Variants in PLXDC2 observed in about 807,000 individuals in gnomAD.
PLXDC2 encodes plexin domain-containing protein 2.
In PLXDC2, 40 loss-of-function variants were observed where a neutral mutation model predicts 68.9. The ratio of observed to expected loss-of-function variants is 0.58; its 90% CI spans 0.45 to 0.76. The LOEUF is 0.76. Ranked by LOEUF, PLXDC2 falls within the 30% of genes least tolerant of loss-of-function variation. PLXDC2 has a pLI of 0.00. For synonymous variants in PLXDC2, 243 were observed against 234.2 expected (o/e 1.04, Z -0.34); for missense variants, 644 against 661.9 (o/e 0.97, Z 0.30).
At chr10:20,222,442 T>A (rs912311486) in intron 12 of PLXDC2, among the ~76,000 whole-genome samples, 1 of 152,196 alleles carries the variant, frequency 6.6e-6, no homozygotes, top group Admixed American at 6.5e-5. Context: ...GAATCTTCAA[T>A]TGTGCAGTGA....
intron 1 of PLXDC2, among the ~76,000 whole-genome samples, chr10:19,937,641 A>T (rs1161016444): frequency 6.7e-6 from 1 of 148,500 alleles, no homozygotes; most frequent in African/African-American, 2.5e-5. Context: ...TCCCAACATA[A>T]CTTTTCTGGC....
intron 3 of PLXDC2, among the ~76,000 whole-genome samples, chr10:20,062,435 A>G (rs1421115926): frequency 6.6e-6 from 1 of 152,108 alleles, no homozygotes; most frequent in Non-Finnish European, 1.5e-5. Flanking sequence ...TAAATAAATA[A>G]ATAATAAAAA....
chr10:20,105,059 A>AG, intron 4 of PLXDC2, among the ~76,000 whole-genome samples: 1 of 151,082 alleles, frequency 6.6e-6, no homozygotes, highest in East Asian at 1.9e-4. Flanking sequence ...AAAAAAAAAA[A>AG]AAAAAAAAAA....
chr10:20,198,661 A>G (rs1834874396), intron 9 of PLXDC2, among the ~76,000 whole-genome samples: 1 of 152,078 alleles, frequency 6.6e-6, no homozygotes. Flanking sequence ...CAACTTTCCA[A>G]CATCATAAAA....
intron 6 of PLXDC2, among the ~76,000 whole-genome samples, chr10:20,149,229 C>CTTTTTT (rs71200986): frequency 1.1e-3 from 37 of 34,924 alleles, no homozygotes; most frequent in African/African-American, 2.5e-3. Flanking sequence ...TTTTTCTTTT[C>CTTTTTT]TTTTTTTTTT....
intron 12 of PLXDC2, 75 bp downstream of exon 12, chr10:20,219,177 G>A: frequency 1.4e-6 from 2 of 1,433,196 alleles, no homozygotes; most frequent in East Asian, 2.4e-5. Flanking sequence ...TATGAGAAAG[G>A]CAATACGGGC....
intron 1 of PLXDC2, among the ~76,000 whole-genome samples, chr10:19,903,322 CTT>C (rs59736805): frequency 2.9e-5 from 4 of 139,186 alleles, no homozygotes; most frequent in Admixed American, 7.2e-5. Context: ...TTTTTGTTGG[CTT>C]TTTTTTTTTT....
At chr10:20,024,668 C>G (rs1481571819) in intron 2 of PLXDC2, among the ~76,000 whole-genome samples, 1 of 152,082 alleles carries the variant, frequency 6.6e-6, no homozygotes, top group African/African-American at 2.4e-5. Flanking sequence ...GTGTCTGATA[C>G]TCAGGTCCTG....
At chr10:20,129,034 C>T (rs1306551619) in intron 4 of PLXDC2, among the ~76,000 whole-genome samples, 1 of 152,130 alleles carries the variant, frequency 6.6e-6, no homozygotes, top group Non-Finnish European at 1.5e-5. Flanking sequence ...AGTAGTTCCA[C>T]TTTTAATTTT....
At chr10:19,903,783 A>G (rs886910295) in intron 1 of PLXDC2, among the ~76,000 whole-genome samples, 7 of 146,228 alleles carry the variant, frequency 4.8e-5, no homozygotes, top group Non-Finnish European at 9.0e-5. Flanking sequence ...AAGATTGTCT[A>G]TTTGTGCTCT....
chr10:19,981,237 T>C (rs1307209877), intron 1 of PLXDC2, among the ~76,000 whole-genome samples: 2 of 152,224 alleles, frequency 1.3e-5, no homozygotes, highest in African/African-American at 4.8e-5. Flanking sequence ...TTTGAAATTC[T>C]TTGAGTTTAT....
At chr10:19,838,425 C>T (rs1415450543) in intron 1 of PLXDC2, among the ~76,000 whole-genome samples, 1 of 152,006 alleles carries the variant, frequency 6.6e-6, no homozygotes, top group Non-Finnish European at 1.5e-5. Context: ...GTTTCCTAGC[C>T]CATGATAATA....
chr10:20,031,295 A>G (rs769523091), intron 2 of PLXDC2, among the ~76,000 whole-genome samples: 4 of 151,806 alleles, frequency 2.6e-5, no homozygotes, highest in South Asian at 4.2e-4. Flanking sequence ...TCCTGAGCCC[A>G]TGAGGGCCAG....
chr10:20,028,802 T>C (rs558405581), intron 2 of PLXDC2, among the ~76,000 whole-genome samples: 4 of 152,214 alleles, frequency 2.6e-5, no homozygotes, highest in African/African-American at 7.2e-5. Flanking sequence ...CAATGTCTGA[T>C]TATAATTTGT....
At chr10:20,077,479 A>G (rs1466113887) in intron 4 of PLXDC2, among the ~76,000 whole-genome samples, 1 of 152,184 alleles carries the variant, frequency 6.6e-6, no homozygotes, top group Non-Finnish European at 1.5e-5. Flanking sequence ...TTTGTTGGCT[A>G]ATTCTAATGG....
intron 1 of PLXDC2, among the ~76,000 whole-genome samples, chr10:19,843,074 A>G (rs1193537596): frequency 6.6e-6 from 1 of 151,956 alleles, no homozygotes; most frequent in Admixed American, 6.6e-5. Flanking sequence ...TTTTTTCTAT[A>G]AAATTTACCG....
At chr10:19,937,253 G>A (rs548188778) in intron 1 of PLXDC2, among the ~76,000 whole-genome samples, 12 of 152,056 alleles carry the variant, frequency 7.9e-5, no homozygotes, top group East Asian at 5.8e-4. Flanking sequence ...GTCATCTTTC[G>A]CATGTCATGG....
At chr10:19,921,362 T>G (rs565308633) in intron 1 of PLXDC2, among the ~76,000 whole-genome samples, 42 of 152,308 alleles carry the variant, frequency 2.8e-4, no homozygotes, top group African/African-American at 9.9e-4. Flanking sequence ...TATATGATTT[T>G]GTAGATGTTT....
At chr10:20,112,421 C>A (rs909349710) in intron 4 of PLXDC2, among the ~76,000 whole-genome samples, 2 of 151,924 alleles carry the variant, frequency 1.3e-5, no homozygotes, top group Non-Finnish European at 1.5e-5. Flanking sequence ...TCTCCTCTTC[C>A]TGAATGTACA....
Sources: gnomAD v4.1 joint callset for allele counts (sites outside exome capture counted in the v4.1 genomes callset) on GRCh38, gnomAD v4.1.1 for gene constraint, MANE v1.5 for transcripts, NCBI Gene and HGNC (gene_info 2026-07-23, HGNC 2026-07-21) for gene names.